Variants in GC observed in about 807,000 individuals in gnomAD.
GC encodes vitamin D-binding protein.
A neutral mutation model predicts 56.7 loss-of-function variants in GC; 43 were observed. The ratio of observed to expected loss-of-function variants is 0.76; its 90% CI spans 0.59 to 0.98. GC has a LOEUF of 0.98. Ranked by LOEUF, GC falls within the 50% of genes least tolerant of loss-of-function variation. The probability of loss-of-function intolerance (pLI) is 0.00; values close to 1 mark genes in which losing one functional copy is unlikely to be tolerated. For missense variants in GC, 529 were observed against 545.9 expected (o/e 0.97, Z 0.31); for synonymous variants, 216 against 202.7 (o/e 1.07, Z -0.56).
intron 11 of GC, among the ~76,000 whole-genome samples, chr4:71,746,940 G>A (rs1203915839): frequency 6.6e-6 from 1 of 151,982 alleles, no homozygotes; most frequent in African/African-American, 2.4e-5. Flanking sequence ...GGAGACCAAT[G>A]GACAGGCTAT....
chr4:71,741,900 T>C (rs998763299), intron 12 of GC, 30 bp from the exon 13 acceptor site: 16 of 702,722 alleles, frequency 2.3e-5, no homozygotes, highest in Middle Eastern at 2.3e-4. Context: ...AATTTTATGT[T>C]AGAAAAACAG....
Position 71,755,090 on chromosome 4 carries a change from C to G in GC, c.1052G>C (p.Ser351Thr). Reference sequence around the variant, plus strand: ...TACTTCCGGAAGATGAGTCCTTCTGCTTAGTTCAAATGTATACCTAGCATG... The same window carrying G: ...TACTTCCGGAAGATGAGTCCTTCTGGTTAGTTCAAATGTATACCTAGCATG... ...KVMDKYTFEL[S>T]RRTHLPEVFL... is the part of the protein sequence containing the mutation. The change falls in exon 9 of 13, where the codon AGC (serine) becomes ACC (threonine). Residue 351 changes from serine to threonine, a missense_variant. By Grantham distance (58) the Ser-to-Thr change is moderately conservative. Transcript: ENST00000273951. The G allele has an allele frequency of 6.3e-7, 1 of 1,581,454 alleles. No individual in the cohort carries two copies. Among genetic ancestry groups the G allele is most frequent in the Non-Finnish European group, 8.6e-7 (1 of 1,158,254 alleles).
chr4:71,805,325 C>T (rs1356979273), upstream of GC, among the ~76,000 whole-genome samples: 1 of 152,190 alleles, frequency 6.6e-6, no homozygotes. Flanking sequence ...TACTTATTGA[C>T]TGGGCAGTCA....
At chr4:71,754,703 G>A (rs754247794) in intron 9 of GC, among the ~76,000 whole-genome samples, 195 bp from the exon 10 acceptor site, 16 of 152,196 alleles carry the variant, frequency 1.1e-4, no homozygotes, top group Non-Finnish European at 2.2e-4. Flanking sequence ...TACAGAAGCA[G>A]TTGTAAGCTT....
chr4:71,789,458 C>T (rs16847047), intron 1 of GC, among the ~76,000 whole-genome samples: 17,229 of 151,818 alleles, frequency 0.11, 1,036 homozygotes, highest in African/African-American at 0.13. Context: ...ATAAAGCTGA[C>T]CCTTAACTTG....
intron 1 of GC, among the ~76,000 whole-genome samples, chr4:71,780,724 G>A (rs182901986): frequency 0.084 from 12,713 of 152,128 alleles, 629 homozygotes; most frequent in East Asian, 0.22. Context: ...TCATTAAAAA[G>A]TCAGGAAACA....
intron 1 of GC, among the ~76,000 whole-genome samples, chr4:71,771,060 C>T (rs1742326072): frequency 6.6e-6 from 1 of 151,996 alleles, no homozygotes; most frequent in Admixed American, 6.6e-5. Context: ...GATGTTATAT[C>T]TTTGGAAAAA....
At chr4:71,779,256 C>T (rs1742600663) in intron 1 of GC, among the ~76,000 whole-genome samples, 1 of 151,862 alleles carries the variant, frequency 6.6e-6, no homozygotes, top group South Asian at 2.1e-4. Flanking sequence ...TTACAATAAG[C>T]AAATGAACAA....
chr4:71,778,444 G>T (rs970764663), intron 1 of GC, among the ~76,000 whole-genome samples: 5 of 151,922 alleles, frequency 3.3e-5, no homozygotes, highest in African/African-American at 1.2e-4. Context: ...TTTGATCCAA[G>T]GGAAGAAAGC....
chr4:71,755,014 A>G lies in GC; in HGVS notation c.1128T>C (p.Cys376=), dbSNP rs1741717001. The change falls in exon 9 of 13, where the codon TGT becomes TGC. Residue 376 remains cysteine (C), a synonymous_variant. Coordinates refer to ENST00000273951, the MANE Select transcript of GC (RefSeq NM_000583.4). ...EPTLKSLGEC[C]DVEDSTTCFN... ...AACAGGTAGTTGAGTCTTCAACATC[A>G]CAGCATTCACCAAGGCTTTTTAGGG... 1 of 1,595,142 alleles carries G rather than the reference A, an allele frequency of 6.3e-7. No individual in the cohort carries two copies. The highest frequency in any genetic ancestry group is 8.5e-7 in the Non-Finnish European group (1 of 1,173,086).
At chr4:71,746,010 C>T (rs1397820008) in intron 12 of GC, 141 bp downstream of exon 12, 9 of 527,008 alleles carry the variant, frequency 1.7e-5, no homozygotes, top group East Asian at 6.4e-5. Context: ...TAACTTTTCT[C>T]GGTGCTTAAT....
chr4:71,761,181 C>T (rs942475708), intron 6 of GC, among the ~76,000 whole-genome samples: 4 of 152,134 alleles, frequency 2.6e-5, no homozygotes, highest in Non-Finnish European at 5.9e-5. Context: ...CAATAAGGTC[C>T]AGGCTAAGGT....
chr4:71,779,126 T>C (rs1035679199), intron 1 of GC, among the ~76,000 whole-genome samples: 1 of 151,580 alleles, frequency 6.6e-6, no homozygotes, highest in African/African-American at 2.4e-5. Flanking sequence ...AAAACCCAAT[T>C]TTGTAATATT....
At chr4:71,786,240 G>C (rs893819648), upstream of GC, among the ~76,000 whole-genome samples, 3 of 151,706 alleles carry the variant, frequency 2.0e-5, no homozygotes, top group Admixed American at 2.0e-4. Context: ...CTAAATATAT[G>C]AGCCTTTTTT....
At chr4:71,790,375 A>C (rs1304292137) in intron 1 of GC, among the ~76,000 whole-genome samples, 2 of 152,046 alleles carry the variant, frequency 1.3e-5, no homozygotes, top group Non-Finnish European at 2.9e-5. Context: ...CTTTCAATCT[A>C]GCTGTGCCTT....
chr4:71,763,628 G>C, intron 5 of GC, 126 bp from the exon 6 acceptor site: 1 of 749,664 alleles, frequency 1.3e-6, no homozygotes, highest in East Asian at 2.5e-5. Flanking sequence ...CTGGTGAAAG[G>C]AACTTATTGA....
At chr4:71,758,317 G>C in intron 6 of GC, 146 bp from the exon 7 acceptor site, 1 of 651,368 alleles carries the variant, frequency 1.5e-6, no homozygotes, top group Non-Finnish European at 2.6e-6. Context: ...CCATGCGATA[G>C]ATCTTATGTA....
chr4:71,780,642 C>T (rs1319425179), intron 1 of GC, among the ~76,000 whole-genome samples: 1 of 152,120 alleles, frequency 6.6e-6, no homozygotes, highest in Admixed American at 6.6e-5. Flanking sequence ...AAATGCTCAT[C>T]ATCACTGGTC....
At chr4:71,781,457 C>G (rs747128949) in intron 1 of GC, among the ~76,000 whole-genome samples, 46 of 151,676 alleles carry the variant, frequency 3.0e-4, no homozygotes, top group South Asian at 1.0e-3. Flanking sequence ...TTTTAGTGCT[C>G]TGTTAACAGT....
Sources: allele counts gnomAD v4.1 joint callset (sites outside exome capture counted in the v4.1 genomes callset), GRCh38; gene constraint gnomAD v4.1.1; transcripts MANE v1.5; gene names NCBI Gene and HGNC (gene_info 2026-07-23, HGNC 2026-07-21).